The following GABRG3 variants were observed in gnomAD, a reference collection of about 807,000 sequenced individuals.
The protein encoded by GABRG3 is gamma-aminobutyric acid type A receptor subunit gamma3.
In GABRG3, 25 loss-of-function variants were observed where a neutral mutation model predicts 48.8. That is an observed-to-expected ratio of 0.51 (90% CI 0.37 to 0.72). The LOEUF is 0.72. Among genes scored for constraint, GABRG3 ranks in the 30% least tolerant of loss-of-function variants. GABRG3 has a pLI of 0.00. For missense variants in GABRG3, 394 were observed against 577.9 expected (o/e 0.68, Z 3.26); for synonymous variants, 227 against 217.6 (o/e 1.04, Z -0.38).
intron 5 of GABRG3, among the ~76,000 whole-genome samples, chr15:27,432,444 T>C (rs548239134): frequency 6.6e-6 from 1 of 152,298 alleles, no homozygotes; most frequent in South Asian, 2.1e-4. Flanking sequence ...CCTTTGGTGC[T>C]CTTTATTTCT....
chr15:27,391,225 T>C (rs1361866104), intron 5 of GABRG3, among the ~76,000 whole-genome samples: 1 of 152,202 alleles, frequency 6.6e-6, no homozygotes, highest in Non-Finnish European at 1.5e-5. Context: ...GGCTTTATTA[T>C]AGTTCTATTA....
intron 3 of GABRG3, among the ~76,000 whole-genome samples, chr15:27,076,469 G>A (rs905982655): frequency 1.3e-5 from 2 of 152,050 alleles, no homozygotes; most frequent in Non-Finnish European, 2.9e-5. Context: ...GACTATAGGC[G>A]TGCAGCACCA....
At chr15:26,983,574 C>A (rs1895094749) in intron 2 of GABRG3, among the ~76,000 whole-genome samples, 1 of 152,100 alleles carries the variant, frequency 6.6e-6, no homozygotes, top group Admixed American at 6.6e-5. Flanking sequence ...GAGTTTGAGA[C>A]CAGTCTGAGC....
intron 5 of GABRG3, among the ~76,000 whole-genome samples, chr15:27,393,673 A>G (rs1007518719): frequency 6.6e-6 from 1 of 152,158 alleles, no homozygotes; most frequent in African/African-American, 2.4e-5. Context: ...AAGGCCAGAA[A>G]ATGTGTAGTG....
intron 3 of GABRG3, among the ~76,000 whole-genome samples, chr15:27,323,117 G>T (rs1449209474): frequency 2.0e-5 from 3 of 152,166 alleles, no homozygotes; most frequent in South Asian, 2.1e-4. Context: ...GAACAAGAGG[G>T]CCCTGATTGC....
intron 3 of GABRG3, among the ~76,000 whole-genome samples, chr15:27,145,611 A>ATCTG (rs140254981): frequency 8.1e-6 from 1 of 123,228 alleles, no homozygotes; most frequent in Admixed American, 8.2e-5. Context: ...ATCTCTATCT[A>ATCTG]TCTATCTATC....
At chr15:27,213,481 CATAGCG>C (rs1336807025) in intron 3 of GABRG3, among the ~76,000 whole-genome samples, 5 of 152,190 alleles carry the variant, frequency 3.3e-5, no homozygotes, top group Admixed American at 6.5e-5. Context: ...TTACTTTCCT[CATAGCG>C]TTAAAACACA....
At chr15:27,242,957 G>A (rs190184826) in intron 3 of GABRG3, among the ~76,000 whole-genome samples, 6 of 152,308 alleles carry the variant, frequency 3.9e-5, no homozygotes, top group Admixed American at 2.6e-4. Flanking sequence ...TAATTTATTT[G>A]TGACTATGTT....
chr15:27,370,503 C>T (rs938171007), intron 5 of GABRG3, among the ~76,000 whole-genome samples: 20 of 152,226 alleles, frequency 1.3e-4, no homozygotes, highest in Admixed American at 3.9e-4. Context: ...GAGATCTGAG[C>T]GGCGGAGTCT....
intron 3 of GABRG3, among the ~76,000 whole-genome samples, chr15:27,070,469 T>C (rs1896809744): frequency 6.6e-6 from 1 of 152,206 alleles, no homozygotes; most frequent in African/African-American, 2.4e-5. Context: ...TGAAACTCAT[T>C]GAAAAATCTT....
At chr15:27,306,557 A>AATATAAACATATATGTTTAT (rs1371058763) in intron 3 of GABRG3, among the ~76,000 whole-genome samples, 1 of 48,074 alleles carries the variant, frequency 2.1e-5, no homozygotes, top group South Asian at 3.8e-4. Context: ...AAACATATAT[A>AATATAAACATATATGTTTAT]ATATAAACAT....
intron 3 of GABRG3, among the ~76,000 whole-genome samples, chr15:27,322,751 G>A (rs963093540): frequency 4.6e-5 from 7 of 152,168 alleles, no homozygotes; most frequent in East Asian, 1.9e-4. Context: ...TACACGCCCC[G>A]AGTCTAACAC....
intron 3 of GABRG3, among the ~76,000 whole-genome samples, chr15:27,102,809 G>A (rs907349578): frequency 2.0e-5 from 3 of 151,976 alleles, no homozygotes; most frequent in African/African-American, 7.3e-5. Flanking sequence ...CTTATTTACC[G>A]ACATAAGTAT....
intron 3 of GABRG3, among the ~76,000 whole-genome samples, chr15:27,253,990 A>G (rs977371402): frequency 8.5e-5 from 13 of 152,240 alleles, no homozygotes; most frequent in African/African-American, 2.9e-4. Flanking sequence ...TTTCTTCCCC[A>G]TAACGAAAGA....
At chr15:27,169,891 A>G (rs893035733) in intron 3 of GABRG3, among the ~76,000 whole-genome samples, 2 of 152,222 alleles carry the variant, frequency 1.3e-5, no homozygotes, top group Admixed American at 1.3e-4. Flanking sequence ...TGCAGACCAA[A>G]AACAATGGAA....
At chr15:27,288,280 C>G (rs1012593331) in intron 3 of GABRG3, among the ~76,000 whole-genome samples, 1 of 152,048 alleles carries the variant, frequency 6.6e-6, no homozygotes, top group Non-Finnish European at 1.5e-5. Context: ...CAGGATGATT[C>G]AAGCACATTA....
chr15:27,309,688 G>A (rs1350437049), intron 3 of GABRG3, among the ~76,000 whole-genome samples: 1 of 152,110 alleles, frequency 6.6e-6, no homozygotes, highest in East Asian at 1.9e-4. Flanking sequence ...TAGATGTGGA[G>A]TAACTTGAAA....
intron 5 of GABRG3, among the ~76,000 whole-genome samples, chr15:27,388,224 G>C (rs1242406522): frequency 1.4e-5 from 1 of 71,556 alleles, no homozygotes; most frequent in Non-Finnish European, 2.7e-5. Flanking sequence ...GAGGAAGGAA[G>C]GAAAGGGAGG....
rs528253536 is a variant in GABRG3, at chr15:27,227,022, A to G, written c.271-99787A>G. Among the ~76,000 whole-genome samples, 6 of 152,346 alleles carry G rather than the reference A, an allele frequency of 3.9e-5. No individual in the cohort carries two copies. The South Asian group carries it at 8.3e-4, about 21-fold the overall frequency. ...TCAGGGAAAAAAAACTGAAAGAAAAAGGAAAGTAAACCATGTTTCACATGA... is the reference window on the plus strand; with the variant it reads ...TCAGGGAAAAAAAACTGAAAGAAAAGGGAAAGTAAACCATGTTTCACATGA... On this transcript the variant is annotated intron_variant, in intron 3 of 9. Transcript: ENST00000615808.
Sources: gnomAD v4.1 joint callset for allele counts (sites outside exome capture counted in the v4.1 genomes callset) on GRCh38, gnomAD v4.1.1 for gene constraint, MANE v1.5 for transcripts, NCBI Gene and HGNC (gene_info 2026-07-23, HGNC 2026-07-21) for gene names.